PHF21B: variants seen among roughly 807,000 people sequenced by gnomAD.
The protein encoded by PHF21B is PHD finger protein 21B.
Under a neutral mutation model 62.2 loss-of-function variants are expected in PHF21B, and 22 were observed. The observed-to-expected ratio is 0.35, with a 90% CI of 0.25 to 0.51. The LOEUF (loss-of-function observed/expected upper bound fraction) is 0.51, where lower values mean the gene tolerates loss of function less well. PHF21B is among the 20% of genes least tolerant of loss of function. PHF21B has a pLI of 0.97. For missense variants in PHF21B, 701 were observed against 707.9 expected (o/e 0.99, Z 0.11); for synonymous variants, 341 against 314.7 (o/e 1.08, Z -0.88).
At chr22:44,884,069 GATCACCATT>G (rs2070790620) in intron 12 of PHF21B, among the ~76,000 whole-genome samples, 2 of 80,544 alleles carry the variant, frequency 2.5e-5, no homozygotes, top group Non-Finnish European at 2.8e-5. Context: ...CCACCACCAT[GATCACCATT>G]ATCACCACCG....
At chr22:44,901,223 G>A (rs2071153222) in intron 5 of PHF21B, among the ~76,000 whole-genome samples, 1 of 152,156 alleles carries the variant, frequency 6.6e-6, no homozygotes. Context: ...ACTGGACAGT[G>A]GCAGGGACTC....
At chr22:44,890,644 T>G (rs1169622450) in intron 8 of PHF21B, among the ~76,000 whole-genome samples, 1 of 152,260 alleles carries the variant, frequency 6.6e-6, no homozygotes, top group African/African-American at 2.4e-5. Flanking sequence ...GTTTTCTAAC[T>G]GAAGAGAACT....
In PHF21B at chr22:44,896,069, C is replaced by T. The variant is rs1454984205; in HGVS notation, c.846G>A (p.Met282Ile). ...TQENPEKIAF[M>I]VALGLVTTEH... ...CCGTGGTAACCAGGCCTAGCGCTAC[C>T]ATGAAGGCGATTTTCTGAGGGAAGG... Residue 282 changes from methionine (M) to isoleucine (I), a missense_variant, in exon 6 of 13, where the codon ATG becomes ATA. Transcript: ENST00000313237. 1 of 1,614,036 alleles carries T rather than the reference C, an allele frequency of 6.2e-7. No homozygotes were observed. The highest frequency in any genetic ancestry group is 8.5e-7 in the Non-Finnish European group (1 of 1,180,014).
At chr22:44,925,497 G>A (rs1272523361) in intron 2 of PHF21B, among the ~76,000 whole-genome samples, 3 of 152,174 alleles carry the variant, frequency 2.0e-5, no homozygotes, top group African/African-American at 7.2e-5. Flanking sequence ...AACTCTGAGA[G>A]GCTCATGTCC....
chr22:44,901,659 GA>G, intron 5 of PHF21B: 4 of 513,778 alleles, frequency 7.8e-6, no homozygotes, highest in East Asian at 4.6e-5. Context: ...GTGGCAAGGT[GA>G]AAAGGGGGAA....
intron 2 of PHF21B, among the ~76,000 whole-genome samples, chr22:44,979,889 T>C (rs11704791): frequency 2.6e-5 from 4 of 151,640 alleles, no homozygotes; most frequent in Non-Finnish European, 5.9e-5. Context: ...GCCGACATGG[T>C]GAAACCCGGT....
At chr22:44,958,518 TCTCA>T (rs996486117) in intron 2 of PHF21B, among the ~76,000 whole-genome samples, 3 of 152,010 alleles carry the variant, frequency 2.0e-5, no homozygotes, top group African/African-American at 7.3e-5. Context: ...TCTCAACTTC[TCTCA>T]CCTAGTCCCA....
intron 3 of PHF21B, among the ~76,000 whole-genome samples, chr22:44,917,364 AG>A (rs1260262767): frequency 2.0e-5 from 3 of 152,126 alleles, no homozygotes; most frequent in Admixed American, 2.0e-4. Context: ...TACTTGACTG[AG>A]GGCTGTCACC....
chr22:44,891,409 C>A, intron 7 of PHF21B, 49 bp from the exon 8 acceptor site: 1 of 1,597,602 alleles, frequency 6.3e-7, no homozygotes. Flanking sequence ...TGGAGGCTCT[C>A]TTCGATGGTG....
At chr22:44,905,094 T>C (rs947162140) in intron 5 of PHF21B, among the ~76,000 whole-genome samples, 2 of 152,246 alleles carry the variant, frequency 1.3e-5, no homozygotes, top group African/African-American at 4.8e-5. Flanking sequence ...CTCACACTGA[T>C]GCTCTTCAAT....
At chr22:44,893,355 G>A (rs1386312996) in intron 7 of PHF21B, 102 bp downstream of exon 7, 3 of 1,115,400 alleles carry the variant, frequency 2.7e-6, no homozygotes, top group Non-Finnish European at 3.9e-6. Context: ...GACGAGGGGG[G>A]TGCTTAGGAA....
At chr22:44,900,438 T>C (rs553138370) in intron 5 of PHF21B, among the ~76,000 whole-genome samples, 5 of 152,240 alleles carry the variant, frequency 3.3e-5, no homozygotes, top group Admixed American at 1.3e-4. Context: ...GTAGCTGGGA[T>C]TACAGGCACC....
intron 5 of PHF21B, among the ~76,000 whole-genome samples, chr22:44,910,971 G>A (rs538258661): frequency 7.2e-4 from 110 of 152,350 alleles, no homozygotes; most frequent in Non-Finnish European, 1.3e-3. Context: ...TGAACAATAA[G>A]GTCAGGCTGA....
intron 2 of PHF21B, among the ~76,000 whole-genome samples, chr22:44,942,464 T>G (rs1221467574): frequency 7.2e-5 from 11 of 152,092 alleles, no homozygotes; most frequent in African/African-American, 2.4e-4. Context: ...CCCAGCTCTG[T>G]GGAAAGGTAC....
chr22:44,919,259 C>T (rs1226066923), intron 3 of PHF21B, among the ~76,000 whole-genome samples: 1 of 152,230 alleles, frequency 6.6e-6, no homozygotes, highest in Non-Finnish European at 1.5e-5. Flanking sequence ...TGTCTGTCCT[C>T]CCTCTAGACC....
chr22:44,984,972 T>C (rs1302586818), intron 2 of PHF21B, among the ~76,000 whole-genome samples: 1 of 152,116 alleles, frequency 6.6e-6, no homozygotes, highest in African/African-American at 2.4e-5. Context: ...AGTGTCAAGG[T>C]CTTTAAAAGT....
rs544822065 is a variant in PHF21B, at chr22:44,998,508, G to C, written c.120+10037C>G. On this transcript the variant is annotated intron_variant, in intron 2 of 12. Coordinates refer to ENST00000313237, the MANE Select transcript of PHF21B (RefSeq NM_138415.5). ...CCTCAGTTTCCCTCGGGTAAGATGA[G>C]GGGCTTGGCCGAGGTGCTCCCCTTG... 2.6e-5 allele frequency among the ~76,000 whole-genome samples: 4 copies of C among 152,292 alleles called. No homozygotes were observed. The South Asian group carries it at 8.3e-4, about 32-fold the overall frequency.
At chr22:44,944,062 T>C (rs1024303254) in intron 2 of PHF21B, among the ~76,000 whole-genome samples, 3 of 152,206 alleles carry the variant, frequency 2.0e-5, no homozygotes, top group African/African-American at 7.2e-5. Flanking sequence ...TCTACCCTCC[T>C]GCTGCTCCAC....
At chr22:44,937,765 T>C (rs537655163) in intron 2 of PHF21B, among the ~76,000 whole-genome samples, 136 of 152,300 alleles carry the variant, frequency 8.9e-4, no homozygotes, top group South Asian at 2.7e-3. Flanking sequence ...AGGGAAAGAA[T>C]GACGAATACT....
Sources: gnomAD v4.1 joint callset for allele counts (sites outside exome capture counted in the v4.1 genomes callset) on GRCh38, gnomAD v4.1.1 for gene constraint, MANE v1.5 for transcripts, NCBI Gene and HGNC (gene_info 2026-07-23, HGNC 2026-07-21) for gene names.